VPS35: variants seen among roughly 807,000 people sequenced by gnomAD.
VPS35 encodes the protein VPS35 retromer complex component, also known as vacuolar protein sorting-associated protein 35.
Under a neutral mutation model 98.1 loss-of-function variants are expected in VPS35, and 21 were observed. The observed-to-expected ratio is 0.21, with a 90% confidence interval of 0.15 to 0.31. The LOEUF (loss-of-function observed/expected upper bound fraction) is 0.31, where lower values mean the gene tolerates loss of function less well. Ranked by LOEUF, VPS35 falls within the 10% of genes least tolerant of loss-of-function variation. VPS35 has a pLI of 1.00. For missense variants in VPS35, 554 were observed against 950.8 expected (o/e 0.58, Z 5.49); for synonymous variants, 268 against 318.2 (o/e 0.84, Z 1.68).
rs1250270769 is a variant in VPS35 at position 46,663,242 on chromosome 16, A to G, written c.1648-80T>C. On this transcript the variant is annotated intron_variant, in intron 13 of 16. Coordinates refer to ENST00000299138, the MANE Select transcript of VPS35 (RefSeq NM_018206.6). ...AGGATATCCATTTTAATAGAACAAA[A>G]TACTGTAAGTTGTGTGCACAGTTTT... is the stretch of plus-strand genomic sequence containing the variant. 3.8e-6 allele frequency: 5 copies of G among 1,310,948 alleles called. 1 individual carries two copies. In the South Asian group the frequency reaches 6.3e-5, roughly 17 times the overall value. The allele number at this position is 1,310,948 out of a possible 1,614,324, so 81.2% of individuals were successfully genotyped here.
At position 46,657,256 on chromosome 16, in the gene VPS35, A is replaced by C. The variant is rs1234147079; in HGVS notation, c.*3216T>G. 6.6e-6 allele frequency: 1 copy of C among 152,244 alleles called. No individual in the cohort carries two copies. The highest frequency in any genetic ancestry group is 1.9e-4 in the East Asian group (1 of 5,200). 9.4% of individuals were successfully genotyped at this position (152,244 alleles called of 1,614,324 possible). ...GCATCCCCATAGGACAAACCCCAGCAAACAGGAAGGTCTCCTGCACAGATT... is the reference window on the plus strand; with the variant it reads ...GCATCCCCATAGGACAAACCCCAGCCAACAGGAAGGTCTCCTGCACAGATT... On this transcript the variant is annotated 3_prime_UTR_variant, in exon 17 of 17. Transcript: ENST00000299138.
chr16:46,682,224 A>G, intron 2 of VPS35, 49 bp from the exon 3 acceptor site: 1 of 1,374,076 alleles, frequency 7.3e-7, no homozygotes, highest in Non-Finnish European at 1.0e-6. Context: ...TTAAATAAAC[A>G]TTTATCTTGG....
At position 46,674,657 on chromosome 16, in the gene VPS35, T is replaced by C; in HGVS notation, c.918A>G (p.Leu306=). 6.3e-7 allele frequency: 1 copy of C among 1,583,056 alleles called. No individual in the cohort carries two copies. Among genetic ancestry groups the C allele is most frequent in the Non-Finnish European group, 8.6e-7 (1 of 1,164,156 alleles). ...CATCTTCACGGTGAGCAAATAAAGC[T>C]AATCTAAAAAAAAAAAAAACACCCC... The part of the protein sequence containing the change: ...KNIIIALIDR[L]ALFAHREDGP... The change falls in exon 9 of 17, where the codon TTA becomes TTG. Residue 306 remains leucine (L), a synonymous_variant. Transcript: ENST00000299138.
intron 4 of VPS35, 135 bp from the exon 5 acceptor site, chr16:46,680,988 A>G: frequency 1.1e-6 from 1 of 921,418 alleles, no homozygotes; most frequent in Non-Finnish European, 1.7e-6. Context: ...CAAGGAAAAT[A>G]TCTCATTTAA....
chr16:46,663,161 T>A lies in VPS35; in HGVS notation c.1649A>T (p.Asp550Val), dbSNP rs1369286904. 2 of 1,613,264 alleles carry A rather than the reference T, an allele frequency of 1.2e-6. No homozygotes were observed. The highest frequency in any genetic ancestry group is 1.7e-5 in the Admixed American group (1 of 59,944). The change falls in exon 14 of 17, where the codon GAT becomes GTT. Residue 550 changes from aspartate (D) to valine (V), a missense_variant and splice_region_variant. Around this residue, in one of 5 missense-constraint regions of VPS35, gnomAD observed 254 missense variants for 390.1 expected, o/e 0.65. Coordinates refer to ENST00000299138, the MANE Select transcript of VPS35 (RefSeq NM_018206.6). The stretch of plus-strand genomic sequence containing the variant: ...CTGGCATTTCTTTTCCCATTTGTCA[T>A]CCTAAAACAAGAAAAAACATTTTAA... ...AFRYKENSKVDDKWEKKCQKI... is the reference protein window; with the variant it reads ...AFRYKENSKVVDKWEKKCQKI...
intron 6 of VPS35, 58 bp downstream of exon 6, chr16:46,678,885 A>T (rs529140296): frequency 9.7e-6 from 15 of 1,550,772 alleles, no homozygotes; most frequent in Middle Eastern, 1.7e-4. Context: ...TTCTGATTTT[A>T]AAAATCAGAT....
chr16:46,670,609 T>C (rs1312023095), intron 12 of VPS35, among the ~76,000 whole-genome samples: 3 of 152,150 alleles, frequency 2.0e-5, no homozygotes, highest in Non-Finnish European at 1.5e-5. Flanking sequence ...CTAACTACTA[T>C]ATTTGGTAGG....
Position 46,679,078 on chromosome 16 carries a change from C to T in VPS35, c.585G>A (p.Val195=). ...GGCTATGTCCCTGATGCTGCATTCG[C>T]ACCCAGAGCTTGTTCATTTCTGCAA... ...LNFAEMNKLW[V]RMQHQGHSRD... Residue 195 remains valine, a synonymous_variant, in exon 6 of 17, where the codon GTG becomes GTA. Transcript: ENST00000299138. 1 of 1,614,084 alleles carries T rather than the reference C, an allele frequency of 6.2e-7. No individual in the cohort carries two copies. Among genetic ancestry groups the T allele is most frequent in the Non-Finnish European group, 8.5e-7 (1 of 1,180,020 alleles).
chr16:46,673,016 T>C (rs868069903), intron 10 of VPS35, among the ~76,000 whole-genome samples: 1 of 152,360 alleles, frequency 6.6e-6, no homozygotes, highest in Middle Eastern at 3.4e-3. Flanking sequence ...GGGGCATTTA[T>C]TACAACCTCT....
At chr16:46,680,426 AC>A (rs1293623882) in intron 5 of VPS35, among the ~76,000 whole-genome samples, 1 of 152,254 alleles carries the variant, frequency 6.6e-6, no homozygotes, top group Non-Finnish European at 1.5e-5. Flanking sequence ...AGAAAAAATT[AC>A]ATTAAATGAA....
At chr16:46,662,881 A>T in intron 14 of VPS35, 102 bp downstream of exon 14, 1 of 1,308,736 alleles carries the variant, frequency 7.6e-7, no homozygotes, top group Non-Finnish European at 1.1e-6. Context: ...TTACACATTC[A>T]GTAAAAGAAG....
intron 6 of VPS35, among the ~76,000 whole-genome samples, chr16:46,678,384 C>T (rs1432755929): frequency 6.6e-6 from 1 of 150,904 alleles, no homozygotes; most frequent in Non-Finnish European, 1.5e-5. Flanking sequence ...GGGCCATATT[C>T]AAGGCTGTCC....
chr16:46,674,488 T>A lies in VPS35; in HGVS notation c.1012-26A>T, dbSNP rs777098551. 95 of 1,608,776 alleles carry A rather than the reference T, an allele frequency of 5.9e-5. 2 individuals carry two copies. In the South Asian group the frequency reaches 1.0e-3, roughly 18 times the overall value. On this transcript the variant is annotated intron_variant, in intron 9 of 16. Coordinates refer to ENST00000299138, the MANE Select transcript of VPS35 (RefSeq NM_018206.6). ...CTGGAATGTTTAGAAAACCACACAA[T>A]TTATTTTAAACAATTGTAAAAGGAA...
rs575317929 is a variant in VPS35 at position 46,660,193 on chromosome 16, T to TTTG, written c.*278_*279insCAA. 0.013 allele frequency: 2,553 copies of TTTG among 189,544 alleles called. 120 individuals are homozygous for TTTG. Among genetic ancestry groups the TTTG allele is most frequent in the Non-Finnish European group, 0.018 (1,732 of 95,548 alleles). The allele number at this position is 189,544 out of a possible 1,614,324, so 11.7% of individuals were successfully genotyped here. On this transcript the variant is annotated 3_prime_UTR_variant, in exon 17 of 17. Transcript: ENST00000299138. ...AGATAAGTGCTTGTGGGTTTTGTGTTTTTTTTTTTTTTTTTTTTTACAGAT... is the reference window on the plus strand; with the variant it reads ...AGATAAGTGCTTGTGGGTTTTGTGTTTTGTTTTTTTTTTTTTTTTTTTACAGAT...
chr16:46,672,609 A>C, intron 10 of VPS35, 137 bp from the exon 11 acceptor site: 2 of 695,244 alleles, frequency 2.9e-6, no homozygotes, highest in Admixed American at 2.7e-5. Context: ...CCACCACAGA[A>C]GACTATAACA....
At chr16:46,676,758 AAGTTCAC>A in intron 7 of VPS35, 66 bp from the exon 8 acceptor site, 1 of 1,174,404 alleles carries the variant, frequency 8.5e-7, no homozygotes. Flanking sequence ...ACATATGGTA[AAGTTCAC>A]ATTTGTGGGA....
In VPS35 at chr16:46,674,600, A is replaced by C; in HGVS notation, c.975T>G (p.Phe325Leu). Residue 325 changes from phenylalanine (F) to leucine (L), a missense_variant, in exon 9 of 17, where the codon TTT becomes TTG. By Grantham distance (22) the Phe-to-Leu change is conservative. This residue lies in a region of VPS35 where 254 missense variants were observed against 390.1 expected (regional missense o/e 0.65). Transcript: ENST00000299138. ...GPGIPADIKL[F>L]DIFSQQVATV... Reference sequence around the variant, plus strand: ...TAGCCACCTGCTGTGAAAATATATCAAAAAGTTTAATATCCGCTGGGATTC... The same window carrying C: ...TAGCCACCTGCTGTGAAAATATATCCAAAAGTTTAATATCCGCTGGGATTC... The C allele has an allele frequency of 6.2e-7, 1 of 1,612,750 alleles. No individual in the cohort carries two copies.
chr16:46,672,510 T>G, intron 10 of VPS35, 38 bp from the exon 11 acceptor site: 1 of 1,540,378 alleles, frequency 6.5e-7, no homozygotes, highest in Non-Finnish European at 9.0e-7. Flanking sequence ...TGAATAAAAT[T>G]AACTTTCTAT....
At chr16:46,687,144 T>C (rs912530618) in intron 1 of VPS35, among the ~76,000 whole-genome samples, 4 of 152,198 alleles carry the variant, frequency 2.6e-5, no homozygotes, top group Non-Finnish European at 5.9e-5. Flanking sequence ...CCTATTGTGG[T>C]TCAACCTCCC....
Sources: gnomAD v4.1 joint callset for allele counts (sites outside exome capture counted in the v4.1 genomes callset) on GRCh38, gnomAD v4.1.1 for gene constraint, gnomAD v4.1.1 regional missense constraint, MANE v1.5 for transcripts, NCBI Gene and HGNC (gene_info 2026-07-23, HGNC 2026-07-21) for gene names.